Variants in DCLK3 observed in about 807,000 individuals in gnomAD.
DCLK3 encodes doublecortin like kinase 3.
Under a neutral mutation model 46.4 loss-of-function variants are expected in DCLK3, and 30 were observed. The ratio of observed to expected loss-of-function variants is 0.65; its 90% CI spans 0.48 to 0.88. The LOEUF (loss-of-function observed/expected upper bound fraction) is 0.88. Ranked by LOEUF, DCLK3 falls within the 40% of genes least tolerant of loss-of-function variation. The pLI is 0.00. For missense variants in DCLK3, 846 were observed against 907.1 expected, an observed-to-expected ratio of 0.93 and a Z score of 0.87; for synonymous variants, 401 against 339.2, an observed-to-expected ratio of 1.18 and a Z score of -2.00.
Position 36,751,063 on chromosome 3 carries a change from T to TAAAAAAA in DCLK3, c.83-11986_83-11980dup, listed in dbSNP as rs5847933. Among the ~76,000 whole-genome samples, 321 of 76,452 alleles carry TAAAAAAA rather than the reference T, an allele frequency of 4.2e-3. 35 individuals are homozygous for TAAAAAAA. The highest frequency in any genetic ancestry group is 0.015 in the African/African-American group (265 of 17,812). 50.2% of individuals were successfully genotyped at this position (76,452 alleles called of 152,430 possible). On this transcript the variant is annotated intron_variant, in intron 1 of 4. Coordinates refer to ENST00000636136, the MANE Select transcript of DCLK3 (RefSeq NM_001394672.2). ...TGATATCCCTGTAGACGGGATGATC[T>TAAAAAAA]AAAAAAAAAAAAAAAAAAAAAAACT...
At chr3:36,746,541 C>T (rs1701394939) in intron 1 of DCLK3, among the ~76,000 whole-genome samples, 1 of 152,184 alleles carries the variant, frequency 6.6e-6, no homozygotes, top group Non-Finnish European at 1.5e-5. Context: ...ATCATTGTAT[C>T]ACAGTTCACA....
In DCLK3 at chr3:36,745,797, G is replaced by T. The variant is rs144560903; in HGVS notation, c.83-6713C>A. 1.6e-3 allele frequency among the ~76,000 whole-genome samples: 248 copies of T among 152,330 alleles called. 2 individuals carry two copies. The highest frequency in any genetic ancestry group is 8.5e-3 in the East Asian group (44 of 5,180). On this transcript the variant is annotated intron_variant, in intron 1 of 4. Transcript: ENST00000636136. ...TAAACTCATTTTGCTCATATGCAGAGATGAGGCAGGAGAAACATTTGTGAA... is the reference window on the plus strand; with the variant it reads ...TAAACTCATTTTGCTCATATGCAGATATGAGGCAGGAGAAACATTTGTGAA...
At chr3:36,717,650 G>A (rs978491805) in intron 4 of DCLK3, among the ~76,000 whole-genome samples, 1 of 152,156 alleles carries the variant, frequency 6.6e-6, no homozygotes, top group African/African-American at 2.4e-5. Context: ...TTATGCATGT[G>A]TAAAATAAGC....
Position 36,738,798 on chromosome 3 carries a change from C to T in DCLK3, c.369G>A (p.Glu123=). 9.1e-7 allele frequency: 1 copy of T among 1,097,676 alleles called. No homozygotes were observed. The highest frequency in any genetic ancestry group is 1.2e-6 in the Non-Finnish European group (1 of 839,650). The allele number at this position is 1,097,676 out of a possible 1,614,324, so 68.0% of individuals were successfully genotyped here. Residue 123 remains glutamate (E), a synonymous_variant, in exon 2 of 5, where the codon GAG becomes GAA. Transcript: ENST00000636136. The stretch of plus-strand genomic sequence containing the variant: ...CTTCTGAGATGTCAGCTAAGAGCTG[C>T]TCGAACGTCTGCACTGATCGCCTGT... ...LLNRRSVQTF[E]QLLADISEAL... is the part of the protein sequence containing the mutation.
chr3:36,727,540 T>G (rs1701140353), intron 2 of DCLK3, among the ~76,000 whole-genome samples: 1 of 152,178 alleles, frequency 6.6e-6, no homozygotes, highest in Admixed American at 6.5e-5. Context: ...GTTTTTAGAG[T>G]ATGATATGGA....
chr3:36,735,862 G>A (rs139424702), intron 2 of DCLK3, among the ~76,000 whole-genome samples: 34 of 152,278 alleles, frequency 2.2e-4, no homozygotes, highest in African/African-American at 7.5e-4. Context: ...ATTAAATGTC[G>A]ACCAAGTGAC....
At chr3:36,741,649 G>A (rs922775293) in intron 1 of DCLK3, among the ~76,000 whole-genome samples, 8 of 152,224 alleles carry the variant, frequency 5.3e-5, no homozygotes, top group Admixed American at 1.3e-4. Flanking sequence ...AAGGAACCAT[G>A]ACATAGGGCT....
Position 36,715,355 on chromosome 3 carries a change from G to A in DCLK3, c.2427C>T (p.His809=), listed in dbSNP as rs1248583032. ...PSSEGHFRSQ[H]KRVVEQVS ...ATGATACCTGCTCCACAACCCTCTT[G>A]TGCTGGCTCCGGAAGTGACCCTCGC... is the stretch of plus-strand genomic sequence containing the variant. Residue 809 remains histidine, a synonymous_variant, in exon 5 of 5, where the codon CAC becomes CAT. Transcript: ENST00000636136. 1 of 1,614,132 alleles carries A rather than the reference G, an allele frequency of 6.2e-7. No homozygotes were observed. The highest frequency in any genetic ancestry group is 1.3e-5 in the African/African-American group (1 of 75,032).
intron 1 of DCLK3, among the ~76,000 whole-genome samples, chr3:36,755,343 G>T (rs1701476488): frequency 6.6e-6 from 1 of 152,032 alleles, no homozygotes; most frequent in East Asian, 1.9e-4. Context: ...ACAATGTCTT[G>T]GTACTTGCAC....
In DCLK3 at chr3:36,738,127, A is replaced by C; in HGVS notation, c.1040T>G (p.Val347Gly). The C allele has an allele frequency of 6.2e-7, 1 of 1,613,700 alleles. No homozygotes were observed. The highest frequency in any genetic ancestry group is 8.5e-7 in the Non-Finnish European group (1 of 1,179,888). Reference protein sequence around the residue: ...KGPMYDVEKLVRTRSCRRSPE... With the variant: ...KGPMYDVEKLGRTRSCRRSPE... Reference sequence around the variant, plus strand: ...AGACCTCCTGCAGCTTCTGGTCCTCACCAGCTTCTCCACATCATACATTGG... The same window carrying C: ...AGACCTCCTGCAGCTTCTGGTCCTCCCCAGCTTCTCCACATCATACATTGG... Residue 347 changes from valine to glycine, a missense_variant, in exon 2 of 5, where the codon GTG becomes GGG. This residue lies in a region of DCLK3 where 553 missense variants were observed against 543.0 expected (regional missense o/e 1.02). Transcript: ENST00000636136.
intron 1 of DCLK3, among the ~76,000 whole-genome samples, chr3:36,752,361 C>CT (rs1701449969): frequency 6.6e-6 from 1 of 152,214 alleles, no homozygotes; most frequent in Admixed American, 6.5e-5. Context: ...ACCTGACTCC[C>CT]TTCTCCTGAG....
At chr3:36,755,290 A>G (rs962384728) in intron 1 of DCLK3, among the ~76,000 whole-genome samples, 1 of 152,224 alleles carries the variant, frequency 6.6e-6, no homozygotes, top group African/African-American at 2.4e-5. Context: ...GGAGATGAGT[A>G]GTGAGTAATG....
chr3:36,734,594 A>C (rs547958916), intron 2 of DCLK3, among the ~76,000 whole-genome samples: 1 of 152,294 alleles, frequency 6.6e-6, no homozygotes, highest in East Asian at 1.9e-4. Context: ...CTTTCTTCAA[A>C]ATCACAAAAA....
intron 2 of DCLK3, among the ~76,000 whole-genome samples, chr3:36,726,671 A>G (rs1026655721): frequency 6.6e-6 from 1 of 152,176 alleles, no homozygotes; most frequent in African/African-American, 2.4e-5. Context: ...CATAAGCAGC[A>G]TGTGTCTTAA....
chr3:36,731,445 G>A (rs879562599), intron 2 of DCLK3, among the ~76,000 whole-genome samples: 12 of 85,080 alleles, frequency 1.4e-4, no homozygotes, highest in Admixed American at 9.2e-4. Flanking sequence ...GATCTCCTTC[G>A]TGCGTGCACA....
At position 36,738,115 on chromosome 3, in the gene DCLK3, C is replaced by G. The variant is rs1272297296; in HGVS notation, c.1052G>C (p.Ser351Thr). ...ATTTGCCTCGGGAGACCTCCTGCAG[C>G]TTCTGGTCCTCACCAGCTTCTCCAC... is the stretch of plus-strand genomic sequence containing the variant. ...YDVEKLVRTR[S>T]CRRSPEANPA... The change falls in exon 2 of 5, where the codon AGC (serine) becomes ACC (threonine). Residue 351 changes from serine to threonine, a missense_variant. By Grantham distance (58) the Ser-to-Thr change is moderately conservative (BLOSUM62 1). Around this residue, in one of 3 missense-constraint regions of DCLK3, gnomAD observed 553 missense variants for 543.0 expected, o/e 1.02. Coordinates refer to ENST00000636136, the MANE Select transcript of DCLK3 (RefSeq NM_001394672.2). The G allele has an allele frequency of 4.3e-6, 7 of 1,613,928 alleles. No homozygotes were observed. Among genetic ancestry groups the G allele is most frequent in the African/African-American group, 1.3e-5 (1 of 75,022 alleles).
chr3:36,731,670 C>G (rs576988755), intron 2 of DCLK3, among the ~76,000 whole-genome samples: 4 of 152,206 alleles, frequency 2.6e-5, no homozygotes, highest in Non-Finnish European at 4.4e-5. Context: ...TCCTCATCCA[C>G]AGCATTCAAT....
Position 36,746,857 on chromosome 3 carries a change from G to A in DCLK3, c.83-7773C>T, listed in dbSNP as rs75897945. 3.1e-3 allele frequency among the ~76,000 whole-genome samples: 470 copies of A among 152,250 alleles called. 2 individuals are homozygous for A. The Middle Eastern group carries it at 0.037, about 12-fold the overall frequency. On this transcript the variant is annotated intron_variant, in intron 1 of 4. Coordinates refer to ENST00000636136, the MANE Select transcript of DCLK3 (RefSeq NM_001394672.2). ...TCACTTGTAAGTCCTGTTGAAGTGC[G>A]GGTCCTGATTCAGACAGTCTGGGTG... is the stretch of plus-strand genomic sequence containing the variant.
chr3:36,758,378 G>T (rs536277055), intron 1 of DCLK3, among the ~76,000 whole-genome samples: 10 of 152,160 alleles, frequency 6.6e-5, no homozygotes, highest in Non-Finnish European at 1.3e-4. Context: ...AAATTCATAT[G>T]TTAAAACTTA....
Sources: allele counts gnomAD v4.1 joint callset (sites outside exome capture counted in the v4.1 genomes callset), GRCh38; gene constraint gnomAD v4.1.1; regional missense constraint gnomAD v4.1.1; transcripts MANE v1.5; gene names NCBI Gene and HGNC (gene_info 2026-07-23, HGNC 2026-07-21).